PLXDC2: variants seen among roughly 807,000 people sequenced by gnomAD.
PLXDC2 encodes plexin domain-containing protein 2.
Under a neutral mutation model 68.9 loss-of-function variants are expected in PLXDC2, and 40 were observed. The observed-to-expected ratio is 0.58, with a 90% CI of 0.45 to 0.76. The LOEUF (loss-of-function observed/expected upper bound fraction) is 0.76, where lower values mean the gene tolerates loss of function less well. PLXDC2 is among the 30% of genes least tolerant of loss of function. PLXDC2 has a pLI of 0.00. For synonymous variants in PLXDC2, 243 were observed against 234.2 expected (o/e 1.04, Z -0.34); for missense variants, 644 against 661.9 (o/e 0.97, Z 0.30).
intron 9 of PLXDC2, among the ~76,000 whole-genome samples, chr10:20,203,952 C>G (rs1306641827): frequency 2.0e-5 from 3 of 152,132 alleles, no homozygotes; most frequent in Non-Finnish European, 4.4e-5. Flanking sequence ...AAACACACTC[C>G]ACCTTCTTGC....
intron 9 of PLXDC2, among the ~76,000 whole-genome samples, chr10:20,179,585 A>G (rs1834574639): frequency 6.6e-6 from 1 of 152,128 alleles, no homozygotes; most frequent in Non-Finnish European, 1.5e-5. Flanking sequence ...ATTTTATGGT[A>G]AATGAAGGTT....
At chr10:19,980,071 A>G (rs919424056) in intron 1 of PLXDC2, among the ~76,000 whole-genome samples, 2 of 152,246 alleles carry the variant, frequency 1.3e-5, no homozygotes, top group African/African-American at 2.4e-5. Context: ...AGAGCCTCTG[A>G]CTTCGTGTTT....
intron 3 of PLXDC2, among the ~76,000 whole-genome samples, chr10:20,049,817 T>C (rs1243587371): frequency 1.3e-5 from 2 of 152,078 alleles, no homozygotes; most frequent in Non-Finnish European, 2.9e-5. Flanking sequence ...ATGCTATTCC[T>C]ATCAAACTAC....
At chr10:20,064,825 A>G (rs1836175066) in intron 3 of PLXDC2, among the ~76,000 whole-genome samples, 1 of 152,100 alleles carries the variant, frequency 6.6e-6, no homozygotes, top group African/African-American at 2.4e-5. Context: ...GGAAAGATGA[A>G]TGTCCCAGCC....
intron 1 of PLXDC2, among the ~76,000 whole-genome samples, chr10:19,886,018 G>C (rs1837839861): frequency 6.6e-6 from 1 of 152,038 alleles, no homozygotes; most frequent in African/African-American, 2.4e-5. Context: ...TTTGTATCCT[G>C]TTTTATTTCA....
chr10:19,925,326 G>A (rs1332612754), intron 1 of PLXDC2, among the ~76,000 whole-genome samples: 8 of 152,146 alleles, frequency 5.3e-5, no homozygotes, highest in Admixed American at 5.2e-4. Context: ...GGCCTTGTGT[G>A]GACAGTTTTG....
intron 1 of PLXDC2, among the ~76,000 whole-genome samples, chr10:19,939,822 G>T (rs547134639): frequency 3.3e-5 from 5 of 149,774 alleles, no homozygotes; most frequent in African/African-American, 1.3e-4. Flanking sequence ...TGGATGACAT[G>T]TGACAAATAT....
At chr10:20,088,982 C>T (rs1280282720) in intron 4 of PLXDC2, among the ~76,000 whole-genome samples, 1 of 152,172 alleles carries the variant, frequency 6.6e-6, no homozygotes, top group Non-Finnish European at 1.5e-5. Flanking sequence ...GCTGGGCTCA[C>T]AACTCATTGT....
intron 4 of PLXDC2, among the ~76,000 whole-genome samples, chr10:20,128,922 G>A (rs1833828492): frequency 6.6e-6 from 1 of 152,044 alleles, no homozygotes; most frequent in Non-Finnish European, 1.5e-5. Flanking sequence ...CTTGGCCATT[G>A]TGAACAATGC....
intron 4 of PLXDC2, among the ~76,000 whole-genome samples, chr10:20,106,991 T>G (rs1189772149): frequency 6.7e-6 from 1 of 149,910 alleles, no homozygotes; most frequent in Non-Finnish European, 1.5e-5. Context: ...CCTTTATATT[T>G]TATGTAGGGG....
chr10:19,878,874 G>A (rs936305779), intron 1 of PLXDC2, among the ~76,000 whole-genome samples: 1 of 152,042 alleles, frequency 6.6e-6, no homozygotes, highest in Non-Finnish European at 1.5e-5. Flanking sequence ...AATGGCTTTC[G>A]TTAGCCATTT....
intron 1 of PLXDC2, among the ~76,000 whole-genome samples, chr10:19,861,261 C>G (rs1191409175): frequency 1.3e-5 from 2 of 151,996 alleles, no homozygotes; most frequent in African/African-American, 4.8e-5. Context: ...TCTAGGACTC[C>G]TGACCTCAGG....
At chr10:19,950,143 A>G (rs943449819) in intron 1 of PLXDC2, among the ~76,000 whole-genome samples, 1 of 152,188 alleles carries the variant, frequency 6.6e-6, no homozygotes, top group African/African-American at 2.4e-5. Flanking sequence ...CATATTCAAG[A>G]TATTACTAAT....
At chr10:20,153,229 G>A (rs1834173544) in intron 6 of PLXDC2, among the ~76,000 whole-genome samples, 1 of 152,144 alleles carries the variant, frequency 6.6e-6, no homozygotes, top group South Asian at 2.1e-4. Context: ...TGACTAGCCA[G>A]GAAAGACAGT....
chr10:19,897,995 C>T (rs1838090660), intron 1 of PLXDC2, among the ~76,000 whole-genome samples: 1 of 152,114 alleles, frequency 6.6e-6, no homozygotes, highest in African/African-American at 2.4e-5. Flanking sequence ...TCCCCTGTAA[C>T]ATCAAACTCA....
At chr10:20,078,496 A>C (rs573129930) in intron 4 of PLXDC2, among the ~76,000 whole-genome samples, 3 of 152,224 alleles carry the variant, frequency 2.0e-5, no homozygotes, top group Non-Finnish European at 4.4e-5. Context: ...GTATGTAAAA[A>C]TGAGTGTTAT....
At chr10:20,191,679 A>G (rs1834767485) in intron 9 of PLXDC2, among the ~76,000 whole-genome samples, 1 of 149,826 alleles carries the variant, frequency 6.7e-6, no homozygotes, top group African/African-American at 2.4e-5. Flanking sequence ...GGGGGGAGGG[A>G]TAGCATTAGG....
At chr10:20,229,471 A>C (rs147746923) in intron 12 of PLXDC2, among the ~76,000 whole-genome samples, 271 of 144,780 alleles carry the variant, frequency 1.9e-3, no homozygotes, top group Non-Finnish European at 3.2e-3. Flanking sequence ...CGTGTGCTTG[A>C]ATTAGCCATG....
intron 7 of PLXDC2, among the ~76,000 whole-genome samples, chr10:20,172,235 A>G (rs1449881356): frequency 6.7e-6 from 1 of 150,168 alleles, no homozygotes; most frequent in Non-Finnish European, 1.5e-5. Flanking sequence ...AAAAGGAAAA[A>G]AAAAAAAAAA....
Sources: gnomAD v4.1 joint callset for allele counts (sites outside exome capture counted in the v4.1 genomes callset) on GRCh38, gnomAD v4.1.1 for gene constraint, MANE v1.5 for transcripts, NCBI Gene and HGNC (gene_info 2026-07-23, HGNC 2026-07-21) for gene names.